The following AKT3 variants were observed in gnomAD, a reference collection of about 807,000 sequenced individuals.
AKT3 encodes the protein AKT serine/threonine kinase 3.
In AKT3, 15 loss-of-function variants were observed where a neutral mutation model predicts 65.3. The ratio of observed to expected loss-of-function variants is 0.23; its 90% confidence interval spans 0.15 to 0.35. The LOEUF is 0.35. Ranked by LOEUF, AKT3 falls within the 10% of genes least tolerant of loss-of-function variation. AKT3 has a pLI of 1.00. For missense variants in AKT3, 243 were observed against 576.5 expected, an observed-to-expected ratio of 0.42 and a Z score of 5.92; for synonymous variants, 206 against 183.8, an observed-to-expected ratio of 1.12 and a Z score of -0.98.
chr1:243,651,833 A>G (rs1681360428), intron 4 of AKT3, among the ~76,000 whole-genome samples: 1 of 152,194 alleles, frequency 6.6e-6, no homozygotes, highest in Non-Finnish European at 1.5e-5. Flanking sequence ...GATGTTCATC[A>G]GGGATACTGG....
chr1:243,613,591 T>A, intron 8 of AKT3, 80 bp downstream of exon 8: 2 of 1,140,122 alleles, frequency 1.8e-6, no homozygotes, highest in Non-Finnish European at 2.5e-6. Flanking sequence ...AACTGCTATA[T>A]TGTAACTTGT....
In AKT3 at chr1:243,776,337, G is replaced by A. The variant is rs569191120; in HGVS notation, c.46+66788C>T. Among the ~76,000 whole-genome samples the A allele has an allele frequency of 4.6e-5, 7 of 152,246 alleles. No individual in the cohort carries two copies. The South Asian group carries it at 1.0e-3, about 23-fold the overall frequency. On this transcript the variant is annotated intron_variant, in intron 2 of 13. Coordinates refer to ENST00000673466, the MANE Select transcript of AKT3 (RefSeq NM_005465.7). ...TCCACTAAAGACTGTAACAAAATCCGTATGTTGAAACGCTAACCCCCTAGT... is the reference window on the plus strand; with the variant it reads ...TCCACTAAAGACTGTAACAAAATCCATATGTTGAAACGCTAACCCCCTAGT...
intron 2 of AKT3, among the ~76,000 whole-genome samples, chr1:243,763,993 G>A (rs1469210220): frequency 6.6e-6 from 1 of 152,074 alleles, no homozygotes; most frequent in Non-Finnish European, 1.5e-5. Flanking sequence ...GGCTGGCTCT[G>A]CAGCACAACA....
At chr1:243,561,772 T>C (rs961454264) in intron 10 of AKT3, among the ~76,000 whole-genome samples, 7 of 152,166 alleles carry the variant, frequency 4.6e-5, no homozygotes, top group African/African-American at 1.7e-4. Flanking sequence ...CCTTTTACCT[T>C]TGCAACAGGT....
intron 1 of AKT3, among the ~76,000 whole-genome samples, chr1:243,847,148 A>G (rs1469388271): frequency 6.6e-6 from 1 of 152,352 alleles, no homozygotes; most frequent in African/African-American, 2.4e-5. Context: ...CTTCTAACAA[A>G]AATTAATTGT....
chr1:243,686,817 C>T (rs924885983), intron 3 of AKT3, among the ~76,000 whole-genome samples: 1 of 150,148 alleles, frequency 6.7e-6, no homozygotes, highest in Non-Finnish European at 1.5e-5. Context: ...GTGTGCCCCA[C>T]CAAGCCCAGC....
At chr1:243,724,054 C>G (rs918639821) in intron 2 of AKT3, among the ~76,000 whole-genome samples, 1 of 152,120 alleles carries the variant, frequency 6.6e-6, no homozygotes, top group Non-Finnish European at 1.5e-5. Flanking sequence ...TCAGAAACAA[C>G]AAATTTCATT....
intron 3 of AKT3, among the ~76,000 whole-genome samples, chr1:243,691,704 T>C (rs1684703485): frequency 6.6e-6 from 1 of 152,082 alleles, no homozygotes; most frequent in Admixed American, 6.5e-5. Context: ...TAGACAAAAT[T>C]ATCTTGAGTT....
At chr1:243,755,095 G>C (rs1689047964) in intron 2 of AKT3, among the ~76,000 whole-genome samples, 1 of 152,158 alleles carries the variant, frequency 6.6e-6, no homozygotes, top group South Asian at 2.1e-4. Flanking sequence ...TGGAGACAGA[G>C]TCTCGCTGTG....
At chr1:243,550,872 T>C (rs1352149369) in intron 11 of AKT3, among the ~76,000 whole-genome samples, 2 of 135,802 alleles carry the variant, frequency 1.5e-5, no homozygotes, top group Non-Finnish European at 3.1e-5. Context: ...GGCAGGGGAA[T>C]TGCTTGAACC....
chr1:243,802,755 T>A (rs903191956), intron 2 of AKT3, among the ~76,000 whole-genome samples: 1 of 152,242 alleles, frequency 6.6e-6, no homozygotes, highest in African/African-American at 2.4e-5. Flanking sequence ...TATATTTTGG[T>A]TGCATACAGT....
intron 8 of AKT3, 29 bp downstream of exon 8, chr1:243,613,642 G>C: frequency 6.7e-7 from 1 of 1,501,194 alleles, no homozygotes; most frequent in African/African-American, 1.4e-5. Context: ...ATACTACCAT[G>C]CAAATACTGG....
At chr1:243,682,526 G>C (rs1683997335) in intron 3 of AKT3, among the ~76,000 whole-genome samples, 1 of 152,178 alleles carries the variant, frequency 6.6e-6, no homozygotes, top group Non-Finnish European at 1.5e-5. Flanking sequence ...CTAACAAACA[G>C]GGTAGCTAGT....
At chr1:243,533,815 C>G (rs1469543633) in intron 12 of AKT3, among the ~76,000 whole-genome samples, 1 of 151,880 alleles carries the variant, frequency 6.6e-6, no homozygotes, top group Non-Finnish European at 1.5e-5. Context: ...ATGGTGAAAC[C>G]CCATCTCTAC....
rs1669536356 is a variant in AKT3 at position 243,504,541 on chromosome 1, G to C, written c.*708C>G. On this transcript the variant is annotated 3_prime_UTR_variant, in exon 14 of 14. Coordinates refer to ENST00000673466, the MANE Select transcript of AKT3 (RefSeq NM_005465.7). ...TATGCCTTCAGTTCTTGGTAGAACA[G>C]TGTTCACTTGCTCATGATTGCCCGT... The C allele has an allele frequency of 5.3e-6, 1 of 189,214 alleles. No individual in the cohort carries two copies. 11.7% of individuals were successfully genotyped at this position (189,214 alleles called of 1,614,324 possible). A position where few individuals can be genotyped will look rare whatever the true frequency, so the allele number is the denominator to read the frequency against.
At position 243,633,628 on chromosome 1, in the gene AKT3, A is replaced by G. The variant is rs1290914164; in HGVS notation, c.561+3983T>C. On this transcript the variant is annotated intron_variant, in intron 6 of 13. Coordinates refer to ENST00000673466, the MANE Select transcript of AKT3 (RefSeq NM_005465.7). Reference sequence around the variant, plus strand: ...TATAACCTATACAAAGAAAATAGCTATAGAATATACACAACAGGAAATGAC... The same window carrying G: ...TATAACCTATACAAAGAAAATAGCTGTAGAATATACACAACAGGAAATGAC... 2.6e-5 allele frequency among the ~76,000 whole-genome samples: 4 copies of G among 152,280 alleles called. No homozygotes were observed. In the South Asian group the frequency reaches 8.3e-4, roughly 32 times the overall value.
chr1:243,544,727 T>C (rs1336140961), intron 12 of AKT3, among the ~76,000 whole-genome samples: 1 of 151,154 alleles, frequency 6.6e-6, no homozygotes. Flanking sequence ...TTTAAGAGAT[T>C]GGGTCTCACT....
At chr1:243,710,254 T>C (rs1572209511) in intron 2 of AKT3, among the ~76,000 whole-genome samples, 1 of 152,182 alleles carries the variant, frequency 6.6e-6, no homozygotes, top group Middle Eastern at 3.2e-3. Context: ...TCATTTGTGA[T>C]ATATTTCATA....
At chr1:243,625,807 T>C (rs1679117739) in intron 6 of AKT3, among the ~76,000 whole-genome samples, 1 of 152,192 alleles carries the variant, frequency 6.6e-6, no homozygotes, top group South Asian at 2.1e-4. Flanking sequence ...GAAGTCTGCT[T>C]GGGGTTGATG....
Sources: allele counts gnomAD v4.1 joint callset (sites outside exome capture counted in the v4.1 genomes callset), GRCh38; gene constraint gnomAD v4.1.1; transcripts MANE v1.5; gene names NCBI Gene and HGNC (gene_info 2026-07-23, HGNC 2026-07-21).